The following C17orf67 variants were observed in gnomAD, a reference collection of about 807,000 sequenced individuals.
The protein encoded by C17orf67 is uncharacterized protein C17orf67.
A neutral mutation model predicts 11.2 loss-of-function variants in C17orf67; 12 were observed. The observed-to-expected ratio is 1.07, with a 90% CI of 0.68 to 1.73. C17orf67 has a LOEUF of 1.73. Among genes scored for constraint, C17orf67 ranks in the 40% most tolerant of loss-of-function variants. C17orf67 has a pLI of 0.00. For missense variants in C17orf67, 115 were observed against 113.5 expected (o/e 1.01, Z -0.06); for synonymous variants, 59 against 46.9 (o/e 1.26, Z -1.05).
chr17:56,828,296 T>C (rs1409928217), intron 2 of C17orf67, among the ~76,000 whole-genome samples: 1 of 151,762 alleles, frequency 6.6e-6, no homozygotes, highest in African/African-American at 2.4e-5. Context: ...TCCCAGCTAC[T>C]CGGGAGGCTG....
At chr17:56,794,809 C>T (rs55688501) in intron 7 of C17orf67, among the ~76,000 whole-genome samples, 20,420 of 152,160 alleles carry the variant, frequency 0.13, 1,436 homozygotes, top group South Asian at 0.16. Flanking sequence ...CCTCCCCATT[C>T]GGGATCACTT....
chr17:56,824,532 T>A (rs1905980410), intron 4 of C17orf67, among the ~76,000 whole-genome samples: 1 of 152,218 alleles, frequency 6.6e-6, no homozygotes, highest in South Asian at 2.1e-4. Flanking sequence ...AAGATACTCA[T>A]GTCTCCCTGA....
chr17:56,831,054 T>A (rs576787081), intron 2 of C17orf67, among the ~76,000 whole-genome samples: 6 of 152,106 alleles, frequency 3.9e-5, no homozygotes, highest in Non-Finnish European at 8.8e-5. Context: ...GGTCTGAGAA[T>A]GGAGGGGTTT....
chr17:56,819,792 CG>C (rs1401879043), intron 4 of C17orf67, among the ~76,000 whole-genome samples: 2 of 152,146 alleles, frequency 1.3e-5, no homozygotes, highest in Non-Finnish European at 2.9e-5. Context: ...AGCGGGGTAA[CG>C]AGGTGAGTCG....
chr17:56,800,862 G>A (rs1905303253), intron 6 of C17orf67, among the ~76,000 whole-genome samples: 1 of 151,950 alleles, frequency 6.6e-6, no homozygotes, highest in Admixed American at 6.6e-5. Context: ...GAGGTCGTAG[G>A]TGGGTTCGCT....
chr17:56,802,847 A>G (rs965598019), intron 6 of C17orf67, among the ~76,000 whole-genome samples: 1 of 152,256 alleles, frequency 6.6e-6, no homozygotes, highest in Non-Finnish European at 1.5e-5. Flanking sequence ...CTCCCCTCAG[A>G]GGCCCATAAG....
intron 4 of C17orf67, among the ~76,000 whole-genome samples, chr17:56,817,136 A>G (rs1026892950): frequency 6.6e-6 from 1 of 152,168 alleles, no homozygotes; most frequent in Non-Finnish European, 1.5e-5. Flanking sequence ...GATTACAGGC[A>G]TGAGACACTG....
intron 6 of C17orf67, among the ~76,000 whole-genome samples, chr17:56,803,249 T>C (rs188649344): frequency 6.6e-6 from 1 of 152,334 alleles, no homozygotes; most frequent in East Asian, 1.9e-4. Context: ...ATCTTGACAA[T>C]GAATGAAGTG....
intron 6 of C17orf67, among the ~76,000 whole-genome samples, chr17:56,813,490 A>T (rs1905680695): frequency 1.3e-5 from 2 of 150,952 alleles, no homozygotes; most frequent in Admixed American, 1.3e-4. Flanking sequence ...CCAGATCTGT[A>T]CTCCCCAACT....
At chr17:56,811,316 A>G (rs1171021938) in intron 6 of C17orf67, among the ~76,000 whole-genome samples, 1 of 152,212 alleles carries the variant, frequency 6.6e-6, no homozygotes, top group African/African-American at 2.4e-5. Flanking sequence ...AGTTAGCGGC[A>G]GAATATGGAC....
At chr17:56,798,383 C>T (rs984718438) in intron 6 of C17orf67, among the ~76,000 whole-genome samples, 1 of 152,058 alleles carries the variant, frequency 6.6e-6, no homozygotes, top group African/African-American at 2.4e-5. Flanking sequence ...TATAGCATTC[C>T]CATATATCCC....
chr17:56,795,234 A>G (rs72837331), intron 6 of C17orf67, 54 bp from the exon 7 acceptor site: 211,759 of 1,513,984 alleles, frequency 0.14, 15,322 homozygotes, highest in South Asian at 0.17. Flanking sequence ...CAGCCAAGGG[A>G]TCAATATGCG....
At chr17:56,812,533 G>A (rs1463727630) in intron 6 of C17orf67, among the ~76,000 whole-genome samples, 1 of 152,110 alleles carries the variant, frequency 6.6e-6, no homozygotes, top group African/African-American at 2.4e-5. Context: ...TTCCAAACTG[G>A]ACTGAATGCC....
chr17:56,823,706 G>A (rs1905960242), intron 4 of C17orf67, among the ~76,000 whole-genome samples: 1 of 152,120 alleles, frequency 6.6e-6, no homozygotes, highest in South Asian at 2.1e-4. Flanking sequence ...TTAAAAGACA[G>A]GACATTTACC....
At chr17:56,802,109 C>T (rs1324019686) in intron 6 of C17orf67, among the ~76,000 whole-genome samples, 2 of 152,154 alleles carry the variant, frequency 1.3e-5, no homozygotes, top group African/African-American at 4.8e-5. Context: ...AAGTTTTGTG[C>T]CAAATAAGTA....
chr17:56,806,264 G>A (rs149287211), intron 6 of C17orf67, among the ~76,000 whole-genome samples: 18,094 of 152,128 alleles, frequency 0.12, 1,170 homozygotes, highest in South Asian at 0.16. Context: ...GTGAGCCACC[G>A]CACCCGGCCT....
chr17:56,808,249 G>A (rs780219166), intron 6 of C17orf67, among the ~76,000 whole-genome samples: 2 of 152,140 alleles, frequency 1.3e-5, no homozygotes, highest in Non-Finnish European at 2.9e-5. Flanking sequence ...TGTATGTAGC[G>A]GACTTGTCCT....
chr17:56,805,511 A>G (rs1439223034), intron 6 of C17orf67, among the ~76,000 whole-genome samples: 1 of 152,236 alleles, frequency 6.6e-6, no homozygotes, highest in Non-Finnish European at 1.5e-5. Flanking sequence ...TTCCCATGAT[A>G]TCTCTACCTT....
intron 4 of C17orf67, among the ~76,000 whole-genome samples, chr17:56,824,254 G>C (rs1201879633): frequency 6.6e-6 from 1 of 152,144 alleles, no homozygotes; most frequent in Non-Finnish European, 1.5e-5. Context: ...TCACTCTTGT[G>C]GTCTCTTTTG....
Sources: allele counts gnomAD v4.1 joint callset (sites outside exome capture counted in the v4.1 genomes callset), GRCh38; gene constraint gnomAD v4.1.1; transcripts MANE v1.5; gene names NCBI Gene and HGNC (gene_info 2026-07-23, HGNC 2026-07-21).